Variants in SND1 observed in about 807,000 individuals in gnomAD.
SND1 encodes staphylococcal nuclease domain-containing protein 1.
SND1 carries 38 observed loss-of-function variants against 121.7 expected under a neutral mutation model. The ratio of observed to expected loss-of-function variants is 0.31; its 90% CI spans 0.24 to 0.41. The LOEUF (loss-of-function observed/expected upper bound fraction) is 0.41. Ranked by LOEUF, SND1 falls within the 10% of genes least tolerant of loss-of-function variation. The pLI is 1.00. For synonymous variants in SND1, 401 were observed against 447.4 expected (o/e 0.90, Z 1.31); for missense variants, 868 against 1,184.6 (o/e 0.73, Z 3.92).
intron 15 of SND1, among the ~76,000 whole-genome samples, chr7:127,935,722 G>A (rs73232965): frequency 0.031 from 4,736 of 152,308 alleles, 98 homozygotes; most frequent in Non-Finnish European, 0.044. Context: ...CGATTGTCCT[G>A]CTAGAGCTTT....
At chr7:127,828,296 C>T (rs1211075372) in intron 11 of SND1, among the ~76,000 whole-genome samples, 1 of 152,010 alleles carries the variant, frequency 6.6e-6, no homozygotes, top group South Asian at 2.1e-4. Flanking sequence ...TGCGCCCAGC[C>T]GCAAATTTCA....
intron 10 of SND1, among the ~76,000 whole-genome samples, chr7:127,785,264 T>C (rs1360343451): frequency 2.0e-5 from 3 of 152,114 alleles, no homozygotes; most frequent in East Asian, 3.9e-4. Context: ...AAGTAGAAAT[T>C]AATTGGAAGA....
chr7:127,950,147 C>T (rs1370727089), intron 15 of SND1, among the ~76,000 whole-genome samples: 1 of 152,162 alleles, frequency 6.6e-6, no homozygotes, highest in East Asian at 1.9e-4. Context: ...AGCAAGTTTC[C>T]AGACGATGTC....
chr7:127,911,356 T>C (rs969786092), intron 14 of SND1, among the ~76,000 whole-genome samples: 1 of 152,186 alleles, frequency 6.6e-6, no homozygotes, highest in African/African-American at 2.4e-5. Flanking sequence ...TTCTTTTCTC[T>C]TATATTTTCA....
chr7:127,707,721 T>C (rs1313954567), intron 9 of SND1, 74 bp downstream of exon 9: 29 of 1,302,464 alleles, frequency 2.2e-5, no homozygotes, highest in Non-Finnish European at 3.0e-5. Context: ...ATTTGAACAA[T>C]TAGAAATGCT....
chr7:127,671,537 C>T (rs889010536), intron 1 of SND1, among the ~76,000 whole-genome samples: 1 of 152,226 alleles, frequency 6.6e-6, no homozygotes, highest in African/African-American at 2.4e-5. Flanking sequence ...TGCTATGTTG[C>T]CCGGGCTGGA....
chr7:128,070,124 A>T (rs1584772363), intron 16 of SND1, among the ~76,000 whole-genome samples: 1 of 152,070 alleles, frequency 6.6e-6, no homozygotes, highest in Admixed American at 6.5e-5. Context: ...GGTCACATTG[A>T]CCTTCAAGCC....
Position 127,752,642 on chromosome 7 carries a change from C to T in SND1, c.1152+31242C>T, listed in dbSNP as rs114294207. ...TAAGCAAATATTGAGATTTGTGGACCAGGCACTCTTTGTCACAACTATTCA... is the reference window on the plus strand; with the variant it reads ...TAAGCAAATATTGAGATTTGTGGACTAGGCACTCTTTGTCACAACTATTCA... On this transcript the variant is annotated intron_variant, in intron 10 of 23. Transcript: ENST00000354725. Among the ~76,000 whole-genome samples, 461 of 152,230 alleles carry T rather than the reference C, an allele frequency of 3.0e-3. 3 individuals carry two copies. Among genetic ancestry groups the T allele is most frequent in the African/African-American group, 9.8e-3 (409 of 41,544 alleles).
intron 10 of SND1, among the ~76,000 whole-genome samples, chr7:127,777,949 G>T (rs1797650858): frequency 6.6e-6 from 1 of 152,150 alleles, no homozygotes; most frequent in Non-Finnish European, 1.5e-5. Context: ...TGTTTTTGTT[G>T]TGTGTTATCT....
intron 10 of SND1, among the ~76,000 whole-genome samples, chr7:127,774,831 G>A (rs568760725): frequency 9.7e-4 from 147 of 152,164 alleles, no homozygotes; most frequent in African/African-American, 3.4e-3. Flanking sequence ...TGCCCACCTC[G>A]GCCTCCCAAA....
At chr7:127,701,408 A>G (rs1278025654) in intron 5 of SND1, 85 bp downstream of exon 5, 25 of 1,397,576 alleles carry the variant, frequency 1.8e-5, no homozygotes, top group Non-Finnish European at 2.2e-5. Context: ...TGTAAAATCT[A>G]GTAAGCCTTT....
chr7:127,707,618 G>A lies in SND1; in HGVS notation c.1009G>A (p.Asp337Asn). The A allele has an allele frequency of 6.2e-7, 1 of 1,614,050 alleles. No individual in the cohort carries two copies. Among genetic ancestry groups the A allele is most frequent in the Non-Finnish European group, 8.5e-7 (1 of 1,179,954 alleles). The change falls in exon 9 of 24, where the codon GAC (aspartate) becomes AAC (asparagine). Residue 337 changes from aspartate to asparagine, a missense_variant. This residue lies in a region of SND1 where 743 missense variants were observed against 1,071.3 expected (regional missense o/e 0.69). Transcript: ENST00000354725. ...CTATGTGGCTCCCACAGCTAATTTG[G>A]ACCAAAAGGACAAGCAGTTTGTTGC... ...RDYVAPTANLDQKDKQFVAKV... is the reference protein window; with the variant it reads ...RDYVAPTANLNQKDKQFVAKV...
At chr7:127,777,906 A>C (rs1419486997) in intron 10 of SND1, among the ~76,000 whole-genome samples, 1 of 152,156 alleles carries the variant, frequency 6.6e-6, no homozygotes. Flanking sequence ...GCAAATATTC[A>C]TATAGTTCAT....
At chr7:127,895,631 A>G (rs1465816258) in intron 13 of SND1, among the ~76,000 whole-genome samples, 1 of 152,094 alleles carries the variant, frequency 6.6e-6, no homozygotes, top group Non-Finnish European at 1.5e-5. Flanking sequence ...AGTGGATGTG[A>G]TAACAGGAAA....
At chr7:127,743,840 T>C (rs1020410611) in intron 10 of SND1, among the ~76,000 whole-genome samples, 2 of 152,214 alleles carry the variant, frequency 1.3e-5, no homozygotes, top group African/African-American at 4.8e-5. Flanking sequence ...ATTTTTCCTG[T>C]TGAAATTGGC....
chr7:128,017,231 A>G (rs950638338), intron 16 of SND1, among the ~76,000 whole-genome samples: 2 of 152,144 alleles, frequency 1.3e-5, no homozygotes, highest in South Asian at 2.1e-4. Flanking sequence ...AGGTTAGGGT[A>G]GGGAGGTTCT....
chr7:127,685,679 A>T (rs1326553468), intron 1 of SND1, among the ~76,000 whole-genome samples: 2 of 152,116 alleles, frequency 1.3e-5, no homozygotes, highest in Non-Finnish European at 2.9e-5. Context: ...TTGATTAGAG[A>T]GATGAAAGGA....
At chr7:127,881,659 C>G (rs1210149304) in intron 12 of SND1, among the ~76,000 whole-genome samples, 1 of 152,142 alleles carries the variant, frequency 6.6e-6, no homozygotes, top group Non-Finnish European at 1.5e-5. Flanking sequence ...GTCTGGTTCT[C>G]TCATTGAAAA....
intron 15 of SND1, among the ~76,000 whole-genome samples, chr7:127,960,404 C>T (rs1233527866): frequency 6.6e-6 from 1 of 152,160 alleles, no homozygotes; most frequent in Non-Finnish European, 1.5e-5. Context: ...CCACACAAAA[C>T]GTACACATTA....
Sources: gnomAD v4.1 joint callset for allele counts (sites outside exome capture counted in the v4.1 genomes callset) on GRCh38, gnomAD v4.1.1 for gene constraint, gnomAD v4.1.1 regional missense constraint, MANE v1.5 for transcripts, NCBI Gene and HGNC (gene_info 2026-07-23, HGNC 2026-07-21) for gene names.